The following SAXO2 variants were observed in gnomAD, a reference collection of about 807,000 sequenced individuals.
SAXO2 encodes family with sequence similarity 154, member B.
Under a neutral mutation model 18.7 loss-of-function variants are expected in SAXO2, and 17 were observed. The ratio of observed to expected loss-of-function variants is 0.91; its 90% CI spans 0.62 to 1.36. The LOEUF is 1.36. SAXO2 is among the 40% of genes most tolerant of loss of function. SAXO2 has a pLI of 0.00. For synonymous variants in SAXO2, 163 were observed against 181.2 expected, an observed-to-expected ratio of 0.90 and a Z score of 0.81; for missense variants, 486 against 562.6, an observed-to-expected ratio of 0.86 and a Z score of 1.38.
intron 3 of SAXO2, among the ~76,000 whole-genome samples, chr15:82,273,260 A>G (rs1029415737): frequency 1.3e-5 from 2 of 152,094 alleles, no homozygotes; most frequent in Non-Finnish European, 2.9e-5. Context: ...AGTAGATATT[A>G]CTTTTATATC....
In SAXO2 at chr15:82,271,606, G is replaced by A. The variant is rs200016551; in HGVS notation, c.237G>A (p.Ser79=). Residue 79 remains serine, a synonymous_variant, in exon 3 of 4, where the codon TCG becomes TCA. Transcript: ENST00000682753. ...GKMEGITTFK[S]DYCPYEIVKQ... ...GTTTCAAATTTATATATTTCAGGTC[G>A]GATTATTGTCCTTATGAAATAGTTA... 59 of 1,604,966 alleles carry A rather than the reference G, an allele frequency of 3.7e-5. 1 individual carries two copies. The highest frequency in any genetic ancestry group is 2.5e-4 in the South Asian group (22 of 88,802).
At chr15:82,270,494 G>T (rs1169168887) in intron 2 of SAXO2, among the ~76,000 whole-genome samples, 1 of 152,176 alleles carries the variant, frequency 6.6e-6, no homozygotes, top group Non-Finnish European at 1.5e-5. Flanking sequence ...AGACTGAAAT[G>T]GATTGAAGTG....
At chr15:82,274,921 A>G (rs2075301665) in intron 3 of SAXO2, among the ~76,000 whole-genome samples, 1 of 151,924 alleles carries the variant, frequency 6.6e-6, no homozygotes, top group Non-Finnish European at 1.5e-5. Flanking sequence ...AGAAATAATT[A>G]AAGTCAGAGC....
chr15:82,282,451 G>A lies in SAXO2; in HGVS notation c.766G>A (p.Ala256Thr), dbSNP rs1459712344. 5.6e-6 allele frequency: 9 copies of A among 1,614,158 alleles called. No individual in the cohort carries two copies. The highest frequency in any genetic ancestry group is 1.7e-5 in the Admixed American group (1 of 60,026). ...CDFQGLIGET[A>T]KLCRPVHTRV... ...CTTTCAGGGTCTCATTGGTGAAACT[G>A]CAAAACTCTGCAGACCTGTACACAC... The change falls in exon 4 of 4, where the codon GCA becomes ACA. Residue 256 changes from alanine to threonine, a missense_variant. Coordinates refer to ENST00000682753, the MANE Select transcript of SAXO2 (RefSeq NM_001348699.2).
Position 82,271,625 on chromosome 15 carries a change from A to T in SAXO2, c.256A>T (p.Ile86Leu), listed in dbSNP as rs1208951348. The T allele has an allele frequency of 6.2e-7, 1 of 1,613,110 alleles. No individual in the cohort carries two copies. The highest frequency in any genetic ancestry group is 2.2e-5 in the East Asian group (1 of 44,864). ...TFKSDYCPYE[I>L]VKQPRHVPEE... ...CAGGTCGGATTATTGTCCTTATGAA[A>T]TAGTTAAACAGCCTCGCCATGTGCC... The change falls in exon 3 of 4, where the codon ATA becomes TTA. Residue 86 changes from isoleucine to leucine, a missense_variant. By Grantham distance (5) the Ile-to-Leu change is conservative. Coordinates refer to ENST00000682753, the MANE Select transcript of SAXO2 (RefSeq NM_001348699.2).
At chr15:82,270,625 A>T (rs1468874016) in intron 2 of SAXO2, among the ~76,000 whole-genome samples, 5 of 152,216 alleles carry the variant, frequency 3.3e-5, no homozygotes, top group Non-Finnish European at 5.9e-5. Flanking sequence ...AATACAAGAT[A>T]GTTTAATCAC....
intron 3 of SAXO2, among the ~76,000 whole-genome samples, chr15:82,272,331 G>A (rs1034867938): frequency 1.3e-5 from 2 of 152,166 alleles, no homozygotes; most frequent in African/African-American, 2.4e-5. Context: ...GTAAGCAGAC[G>A]CTTCCTGATA....
At chr15:82,265,492 T>C in intron 1 of SAXO2, 77 bp from the exon 2 acceptor site, 1 of 1,094,416 alleles carries the variant, frequency 9.1e-7, no homozygotes, top group Non-Finnish European at 1.2e-6. Flanking sequence ...TGTGAGTTTA[T>C]TAGAGGTCTC....
chr15:82,282,873 T>C lies in SAXO2; in HGVS notation c.1188T>C (p.Pro396=). Residue 396 remains proline (P), a synonymous_variant, in exon 4 of 4, where the codon CCT becomes CCC. Transcript: ENST00000682753. ...HELIPTESCK[P]LNIAFKSSVP... ...TGATCCCAACAGAGAGTTGCAAACCTTTAAATATTGCTTTTAAGAGTTCTG... is the reference window on the plus strand; with the variant it reads ...TGATCCCAACAGAGAGTTGCAAACCCTTAAATATTGCTTTTAAGAGTTCTG... 1.2e-6 allele frequency: 2 copies of C among 1,614,068 alleles called. No individual in the cohort carries two copies. Among genetic ancestry groups the C allele is most frequent in the Non-Finnish European group, 1.7e-6 (2 of 1,179,944 alleles).
At chr15:82,270,242 G>A (rs1191630104) in intron 2 of SAXO2, among the ~76,000 whole-genome samples, 4 of 152,156 alleles carry the variant, frequency 2.6e-5, no homozygotes, top group Admixed American at 6.5e-5. Flanking sequence ...CAAGTCTTGA[G>A]GAACGCTAAC....
At position 82,282,480 on chromosome 15, in the gene SAXO2, A is replaced by G; in HGVS notation, c.795A>G (p.Arg265=). ...TAKLCRPVHT[R]VTQNALFEGS... is the part of the protein sequence containing the mutation. ...AACTCTGCAGACCTGTACACACCAG[A>G]GTGACCCAGAATGCTCTGTTTGAAG... The change falls in exon 4 of 4, where the codon AGA becomes AGG. Residue 265 remains arginine (R), a synonymous_variant. Coordinates refer to ENST00000682753, the MANE Select transcript of SAXO2 (RefSeq NM_001348699.2). 1 of 1,614,198 alleles carries G rather than the reference A, an allele frequency of 6.2e-7. No individual in the cohort carries two copies. The highest frequency in any genetic ancestry group is 8.5e-7 in the Non-Finnish European group (1 of 1,180,034).
rs1259563687 is a variant in SAXO2 at position 82,284,652 on chromosome 15, C to T, written c.*1590C>T. 2 of 152,088 alleles carry T rather than the reference C, an allele frequency of 1.3e-5. No homozygotes were observed. Among genetic ancestry groups the T allele is most frequent in the Admixed American group, 1.3e-4 (2 of 15,258 alleles). 9.4% of individuals were successfully genotyped at this position (152,088 alleles called of 1,614,324 possible). ...TTGCATTTATAAATGCTAAAAATTTCCGAATGAATTAAACTCTTATTGGGT... is the reference window on the plus strand; with the variant it reads ...TTGCATTTATAAATGCTAAAAATTTTCGAATGAATTAAACTCTTATTGGGT... On this transcript the variant is annotated 3_prime_UTR_variant, in exon 4 of 4. Coordinates refer to ENST00000682753, the MANE Select transcript of SAXO2 (RefSeq NM_001348699.2).
chr15:82,264,824 G>A, intron 1 of SAXO2: 1 of 688,736 alleles, frequency 1.5e-6, no homozygotes. Flanking sequence ...ACAACTTCTA[G>A]CTCCAATCTC....
chr15:82,283,943 T>A lies in SAXO2; in HGVS notation c.*881T>A, dbSNP rs2075389472. On this transcript the variant is annotated 3_prime_UTR_variant, in exon 4 of 4. Coordinates refer to ENST00000682753, the MANE Select transcript of SAXO2 (RefSeq NM_001348699.2). ...CCTTGGCTTCCCAAAGCACTGGGAT[T>A]ACAGGCATGAGCCACTATACCCAAC... 1 of 152,270 alleles carries A rather than the reference T, an allele frequency of 6.6e-6. No homozygotes were observed. The highest frequency in any genetic ancestry group is 2.4e-5 in the African/African-American group (1 of 41,446). The allele number at this position is 152,270 out of a possible 1,614,324, so 9.4% of individuals were successfully genotyped here. A position where few individuals can be genotyped will look rare whatever the true frequency, so the allele number is the denominator to read the frequency against.
intron 2 of SAXO2, among the ~76,000 whole-genome samples, chr15:82,267,499 G>T (rs911376619): frequency 6.6e-6 from 1 of 152,136 alleles, no homozygotes; most frequent in Non-Finnish European, 1.5e-5. Flanking sequence ...GGGACTCCAA[G>T]ATTTATCTTC....
intron 2 of SAXO2, 28 bp downstream of exon 2, chr15:82,265,776 C>T (rs2075211468): frequency 2.0e-6 from 3 of 1,482,608 alleles, no homozygotes; most frequent in South Asian, 2.6e-5. Flanking sequence ...ATTTGCTTTA[C>T]TTATTTTTCT....
rs374172932 is a variant in SAXO2, at chr15:82,283,095, C to A, written c.*33C>A. ...AATGTGCTTAAAAGGAAGGTACTAG[C>A]AAGTTGTTGTTTTTCCAAGAGAAAA... On this transcript the variant is annotated 3_prime_UTR_variant, in exon 4 of 4. Transcript: ENST00000682753. 1 of 1,348,752 alleles carries A rather than the reference C, an allele frequency of 7.4e-7. No individual in the cohort carries two copies. Among genetic ancestry groups the A allele is most frequent in the Non-Finnish European group, 9.7e-7 (1 of 1,034,268 alleles). 83.5% of individuals were successfully genotyped at this position (1,348,752 alleles called of 1,614,324 possible). A position where few individuals can be genotyped will look rare whatever the true frequency, so the allele number is the denominator to read the frequency against.
At chr15:82,263,103 C>T (rs2075153838) in intron 1 of SAXO2, 171 bp downstream of exon 1, 7 of 1,490,074 alleles carry the variant, frequency 4.7e-6, no homozygotes, top group Non-Finnish European at 6.2e-6. Flanking sequence ...CGCTCCTCAC[C>T]CGCCTGCTAC....
At chr15:82,278,637 A>C (rs2075336278) in intron 3 of SAXO2, among the ~76,000 whole-genome samples, 1 of 152,218 alleles carries the variant, frequency 6.6e-6, no homozygotes, top group South Asian at 2.1e-4. Flanking sequence ...AGCTTCATCC[A>C]GATAAACTAT....
Sources: allele counts gnomAD v4.1 joint callset (sites outside exome capture counted in the v4.1 genomes callset), GRCh38; gene constraint gnomAD v4.1.1; transcripts MANE v1.5; gene names NCBI Gene and HGNC (gene_info 2026-07-23, HGNC 2026-07-21).